Variants in RIN3 observed in about 807,000 individuals in gnomAD.
RIN3 encodes the protein Ras and Rab interactor 3.
Under a neutral mutation model 76.3 loss-of-function variants are expected in RIN3, and 54 were observed. That is an observed-to-expected ratio of 0.71 (90% CI 0.57 to 0.89). The LOEUF is 0.89. Ranked by LOEUF, RIN3 falls within the 40% of genes least tolerant of loss-of-function variation. The pLI is 0.00. For missense variants in RIN3, 1,256 were observed against 1,322.1 expected (o/e 0.95, Z 0.78); for synonymous variants, 576 against 564.0 (o/e 1.02, Z -0.30).
Position 92,674,784 on chromosome 14 carries a change from G to A in RIN3, c.2336-1691G>A, listed in dbSNP as rs192044818. The stretch of plus-strand genomic sequence containing the variant: ...CACGCCTGTAATCCCAGCTACTCAG[G>A]AGGCTGAGGCAGGAGAATCACTTGA... On this transcript the variant is annotated intron_variant, in intron 7 of 9. Coordinates refer to ENST00000216487, the MANE Select transcript of RIN3 (RefSeq NM_024832.5). Among the ~76,000 whole-genome samples, 15 of 152,090 alleles carry A rather than the reference G, an allele frequency of 9.9e-5. No individual in the cohort carries two copies. The South Asian group carries it at 2.9e-3, about 29-fold the overall frequency.
chr14:92,582,124 G>A (rs1208424241), intron 3 of RIN3, among the ~76,000 whole-genome samples: 1 of 152,174 alleles, frequency 6.6e-6, no homozygotes, highest in Non-Finnish European at 1.5e-5. Flanking sequence ...GGGCCTAGGA[G>A]AAGGTTCAGG....
At chr14:92,575,703 G>C (rs151250149) in intron 2 of RIN3, among the ~76,000 whole-genome samples, 33 of 152,216 alleles carry the variant, frequency 2.2e-4, no homozygotes, top group African/African-American at 7.7e-4. Context: ...AATGAGCAGT[G>C]AGGACGACCA....
chr14:92,535,666 A>G (rs1005024673), intron 1 of RIN3, among the ~76,000 whole-genome samples: 1 of 126,684 alleles, frequency 7.9e-6, no homozygotes, highest in African/African-American at 3.0e-5. Flanking sequence ...TACCTGGAAC[A>G]GACTTTTTTT....
Position 92,648,986 on chromosome 14 carries a change from A to C in RIN3, c.533-2596A>C, listed in dbSNP as rs1159526397. Among the ~76,000 whole-genome samples the C allele has an allele frequency of 6.6e-6, 1 of 152,182 alleles. No homozygotes were observed. Among genetic ancestry groups the C allele is most frequent in the African/African-American group, 2.4e-5 (1 of 41,436 alleles). On this transcript the variant is annotated intron_variant, in intron 5 of 9. Coordinates refer to ENST00000216487, the MANE Select transcript of RIN3 (RefSeq NM_024832.5). The surrounding 1 kb of genome is among the most constrained non-coding windows in gnomAD (Gnocchi z 4.1). The stretch of plus-strand genomic sequence containing the variant: ...GCAGCGCATGGCACGTGGAGGAAGG[A>C]GTGAACGGCAGATAGAGTGGAGTGA...
chr14:92,674,468 T>C (rs1888391084), intron 7 of RIN3, among the ~76,000 whole-genome samples: 1 of 151,932 alleles, frequency 6.6e-6, no homozygotes. Context: ...CTGAGTGTGG[T>C]GGTATGTGCC....
At chr14:92,560,884 G>C (rs1897742473) in intron 2 of RIN3, among the ~76,000 whole-genome samples, 1 of 150,260 alleles carries the variant, frequency 6.7e-6, no homozygotes, top group South Asian at 2.1e-4. Context: ...GCCAGGCTTG[G>C]TGGTGGGCGC....
chr14:92,675,463 C>T (rs1316426768), intron 7 of RIN3, among the ~76,000 whole-genome samples: 3 of 152,242 alleles, frequency 2.0e-5, no homozygotes, highest in African/African-American at 7.2e-5. Flanking sequence ...GGTAGCAGCA[C>T]TGGCATGGGT....
intron 3 of RIN3, among the ~76,000 whole-genome samples, chr14:92,585,665 C>G (rs558129307): frequency 5.3e-5 from 8 of 152,148 alleles, no homozygotes; most frequent in Admixed American, 5.2e-4. Context: ...CACGGTCTCA[C>G]TCTATCAGGC....
At chr14:92,565,079 C>T (rs1595420172) in intron 2 of RIN3, among the ~76,000 whole-genome samples, 1 of 152,232 alleles carries the variant, frequency 6.6e-6, no homozygotes, top group African/African-American at 2.4e-5. Context: ...TGGCACTTGT[C>T]TCCCTGTGTT....
intron 1 of RIN3, among the ~76,000 whole-genome samples, chr14:92,528,655 G>C (rs1168536790): frequency 6.6e-6 from 1 of 152,202 alleles, no homozygotes; most frequent in Non-Finnish European, 1.5e-5. Context: ...TGCTTACTGT[G>C]AGACCTCTCC....
intron 2 of RIN3, among the ~76,000 whole-genome samples, chr14:92,562,357 C>T (rs1276240981): frequency 1.3e-5 from 2 of 152,244 alleles, no homozygotes; most frequent in African/African-American, 4.8e-5. Context: ...CCCACTGCCT[C>T]TCTAGACTGT....
intron 3 of RIN3, among the ~76,000 whole-genome samples, chr14:92,581,109 C>T (rs1304905896): frequency 1.3e-5 from 2 of 152,208 alleles, no homozygotes; most frequent in African/African-American, 2.4e-5. Context: ...CTGATGACAG[C>T]AGAAGAGGTA....
At chr14:92,586,387 G>C (rs1884778702) in intron 3 of RIN3, 1 of 152,112 alleles carries the variant, frequency 6.6e-6, no homozygotes, top group South Asian at 2.1e-4. Context: ...ATCTCACATT[G>C]GTTATTACTC....
intron 1 of RIN3, among the ~76,000 whole-genome samples, chr14:92,548,328 T>C (rs766305958): frequency 4.2e-4 from 64 of 152,192 alleles, no homozygotes; most frequent in Non-Finnish European, 8.4e-4. Flanking sequence ...CTGCCACTTA[T>C]TGGCATGTGA....
At chr14:92,637,800 A>G (rs1006955471) in intron 4 of RIN3, among the ~76,000 whole-genome samples, 1 of 152,192 alleles carries the variant, frequency 6.6e-6, no homozygotes, top group East Asian at 1.9e-4. Context: ...GTGGTTTGTG[A>G]TACTGATTGA....
chr14:92,547,855 A>C (rs1010298030), intron 1 of RIN3, among the ~76,000 whole-genome samples: 1 of 151,994 alleles, frequency 6.6e-6, no homozygotes, highest in Non-Finnish European at 1.5e-5. Flanking sequence ...AGGCATGTGC[A>C]GCCATACCCA....
At chr14:92,667,383 G>A (rs571840690) in intron 7 of RIN3, among the ~76,000 whole-genome samples, 35 of 152,068 alleles carry the variant, frequency 2.3e-4, no homozygotes, top group Non-Finnish European at 4.1e-4. Flanking sequence ...TGGGCATGGT[G>A]GCGCACACCT....
intron 1 of RIN3, among the ~76,000 whole-genome samples, chr14:92,532,821 G>A (rs1246632032): frequency 3.3e-5 from 5 of 152,206 alleles, no homozygotes; most frequent in Admixed American, 2.6e-4. Context: ...TCCATCCCTG[G>A]GTAGGAGAAG....
chr14:92,582,805 C>CA (rs1426064615), intron 3 of RIN3, among the ~76,000 whole-genome samples: 1 of 152,162 alleles, frequency 6.6e-6, no homozygotes, highest in Non-Finnish European at 1.5e-5. Flanking sequence ...CCCCTGAGGT[C>CA]AGCCACTAGC....
Sources: allele counts gnomAD v4.1 joint callset (sites outside exome capture counted in the v4.1 genomes callset), GRCh38; gene constraint gnomAD v4.1.1; non-coding constraint Gnocchi (gnomAD v3.1); transcripts MANE v1.5; gene names NCBI Gene and HGNC (gene_info 2026-07-23, HGNC 2026-07-21).